IGSF21: variants seen among roughly 807,000 people sequenced by gnomAD.
IGSF21 encodes immunoglobin superfamily member 21, also known as immunoglobulin superfamily member 21.
IGSF21 carries 28 observed loss-of-function variants against 46.8 expected under a neutral mutation model. The ratio of observed to expected loss-of-function variants is 0.60; its 90% CI spans 0.44 to 0.82. The LOEUF is 0.82. Ranked by LOEUF, IGSF21 falls within the 40% of genes least tolerant of loss-of-function variation. The pLI, the probability that IGSF21 is intolerant of heterozygous loss-of-function variation, is 0.00. For missense variants in IGSF21, 624 were observed against 665.5 expected, an observed-to-expected ratio of 0.94 and a Z score of 0.69; for synonymous variants, 284 against 273.6, an observed-to-expected ratio of 1.04 and a Z score of -0.38.
rs528353180 is a variant in IGSF21, at chr1:18,189,190, G to A, written c.71-38708G>A. ...CCAGACCTTGAAGCCAATGTCGCCC[G>A]ACTTTGGGGCAAACATCCCCTTCTT... On this transcript the variant is annotated intron_variant, in intron 1 of 9. Coordinates refer to ENST00000251296, the MANE Select transcript of IGSF21 (RefSeq NM_032880.5). Among the ~76,000 whole-genome samples, 60 of 152,352 alleles carry A rather than the reference G, an allele frequency of 3.9e-4. 1 individual carries two copies. Among genetic ancestry groups the A allele is most frequent in the African/African-American group, 1.3e-3 (56 of 41,588 alleles).
chr1:18,129,018 A>C (rs138647461), intron 1 of IGSF21, among the ~76,000 whole-genome samples: 2,301 of 152,258 alleles, frequency 0.015, 57 homozygotes, highest in African/African-American at 0.052. Context: ...ATTAATTAGC[A>C]GTTATTCCCC....
intron 3 of IGSF21, among the ~76,000 whole-genome samples, chr1:18,293,857 C>A (rs74056592): frequency 0.019 from 2,853 of 152,274 alleles, 102 homozygotes; most frequent in African/African-American, 0.064. Flanking sequence ...GTTCTGATTT[C>A]TAGCTAAGAA....
chr1:18,365,525 C>T lies in IGSF21; in HGVS notation c.843C>T (p.Ala281=), dbSNP rs146342970. 1.1e-5 allele frequency: 17 copies of T among 1,613,974 alleles called. No homozygotes were observed. The East Asian group carries it at 1.6e-4, about 15-fold the overall frequency. ...SREFPRWVHS[A]EPTYFLRHSR... ...AGTTTCCCCGCTGGGTCCACAGCGC[C>T]GAGCCCACCTACTTCCTGCGCCACA... Residue 281 remains alanine, a synonymous_variant, in exon 6 of 10, where the codon GCC becomes GCT. Coordinates refer to ENST00000251296, the MANE Select transcript of IGSF21 (RefSeq NM_032880.5). The surrounding 1 kb of genome is among the most constrained non-coding windows in gnomAD (Gnocchi z 4.8).
chr1:18,268,348 C>T (rs148593562), intron 2 of IGSF21, among the ~76,000 whole-genome samples: 1 of 152,308 alleles, frequency 6.6e-6, no homozygotes, highest in Non-Finnish European at 1.5e-5. Context: ...CTGAAATGCT[C>T]CTCAACAGCT....
At chr1:18,123,724 A>G (rs1367322048) in intron 1 of IGSF21, among the ~76,000 whole-genome samples, 1 of 152,106 alleles carries the variant, frequency 6.6e-6, no homozygotes, top group Non-Finnish European at 1.5e-5. Context: ...TACAACAGCA[A>G]GGATAAAGGC....
At chr1:18,328,325 G>T (rs963998428) in intron 3 of IGSF21, among the ~76,000 whole-genome samples, 4 of 152,092 alleles carry the variant, frequency 2.6e-5, no homozygotes, top group Non-Finnish European at 5.9e-5. Context: ...CCAACACAAA[G>T]CCCATTTTGT....
chr1:18,135,874 AC>A (rs1360273517), intron 1 of IGSF21, among the ~76,000 whole-genome samples: 8 of 152,188 alleles, frequency 5.3e-5, no homozygotes, highest in African/African-American at 1.9e-4. Context: ...TTACAGTCCC[AC>A]CAGCAGTGTA....
chr1:18,312,661 C>T (rs551433670), intron 3 of IGSF21, among the ~76,000 whole-genome samples: 45 of 152,204 alleles, frequency 3.0e-4, no homozygotes, highest in Non-Finnish European at 6.3e-4. Flanking sequence ...CCCGCTCCGA[C>T]CCTCCTGTCT....
chr1:18,167,298 G>A (rs2086689200), intron 1 of IGSF21, among the ~76,000 whole-genome samples: 1 of 152,164 alleles, frequency 6.6e-6, no homozygotes, highest in South Asian at 2.1e-4. Flanking sequence ...CTCAGTGCCT[G>A]GCCCTTTACC....
Position 18,291,706 on chromosome 1 carries a change from C to T in IGSF21, c.184-160C>T, listed in dbSNP as rs532008017. On this transcript the variant is annotated intron_variant, in intron 2 of 9. Coordinates refer to ENST00000251296, the MANE Select transcript of IGSF21 (RefSeq NM_032880.5). ...TCTTCCTTCAGGAGGCAACTTAAAA[C>T]ATCGCTGCCTCCAGGAAGCCCTCGG... is the stretch of plus-strand genomic sequence containing the variant. Among the ~76,000 whole-genome samples, 18 of 152,320 alleles carry T rather than the reference C, an allele frequency of 1.2e-4. No individual in the cohort carries two copies. The East Asian group carries it at 3.3e-3, about 28-fold the overall frequency.
intron 1 of IGSF21, among the ~76,000 whole-genome samples, chr1:18,116,589 C>T (rs1398676179): frequency 6.6e-6 from 1 of 152,240 alleles, no homozygotes; most frequent in African/African-American, 2.4e-5. Flanking sequence ...TCTGCTGGAG[C>T]TGCTTTGGGC....
chr1:18,179,207 CAG>C (rs1347555711), intron 1 of IGSF21: 1 of 152,128 alleles, frequency 6.6e-6, no homozygotes, highest in Non-Finnish European at 1.5e-5. Context: ...TGGCAGGTGG[CAG>C]AGGCAACATC....
chr1:18,317,600 G>A (rs977085872), intron 3 of IGSF21, among the ~76,000 whole-genome samples: 5 of 152,172 alleles, frequency 3.3e-5, no homozygotes, highest in Non-Finnish European at 7.3e-5. Context: ...TCTCTCTGGT[G>A]CACCCAATGG....
intron 2 of IGSF21, chr1:18,278,838 G>C (rs145893772): frequency 4.2e-6 from 2 of 471,134 alleles, no homozygotes; most frequent in African/African-American, 2.0e-5. Flanking sequence ...TTACAGGCAC[G>C]AGCCACTGCA....
intron 6 of IGSF21, 91 bp from the exon 7 acceptor site, chr1:18,376,219 G>A: frequency 1.1e-6 from 1 of 874,794 alleles, no homozygotes; most frequent in South Asian, 1.3e-5. Context: ...CTGATCCCAA[G>A]GATGTTGATT....
intron 4 of IGSF21, among the ~76,000 whole-genome samples, chr1:18,356,431 G>A (rs183252844): frequency 1.3e-5 from 2 of 152,328 alleles, no homozygotes; most frequent in Admixed American, 1.3e-4. Flanking sequence ...AGATTGGTGA[G>A]CCAGGGGTCT....
intron 1 of IGSF21, among the ~76,000 whole-genome samples, chr1:18,227,431 GC>G (rs1319112330): frequency 6.6e-6 from 1 of 151,752 alleles, no homozygotes; most frequent in African/African-American, 2.4e-5. Flanking sequence ...GTTTGGAAAT[GC>G]CAAGTAAATA....
intron 1 of IGSF21, among the ~76,000 whole-genome samples, chr1:18,185,469 A>C (rs1261420560): frequency 6.6e-6 from 1 of 152,204 alleles, no homozygotes. Flanking sequence ...GATCCACATG[A>C]ATTTGTAATT....
chr1:18,192,226 T>C (rs1225089443), intron 1 of IGSF21, among the ~76,000 whole-genome samples: 1 of 152,214 alleles, frequency 6.6e-6, no homozygotes, highest in Non-Finnish European at 1.5e-5. Context: ...TGTAGTACCA[T>C]AAGGATGCAA....
Sources: allele counts gnomAD v4.1 joint callset (sites outside exome capture counted in the v4.1 genomes callset), GRCh38; gene constraint gnomAD v4.1.1; non-coding constraint Gnocchi (gnomAD v3.1); transcripts MANE v1.5; gene names NCBI Gene and HGNC (gene_info 2026-07-23, HGNC 2026-07-21).